Variants in VDAC1 observed in about 807,000 individuals in gnomAD.
VDAC1 encodes voltage dependent anion channel 1.
In VDAC1, 10 loss-of-function variants were observed where a neutral mutation model predicts 34.7. The observed-to-expected ratio is 0.29, with a 90% CI of 0.18 to 0.49. The LOEUF is 0.49. Ranked by LOEUF, VDAC1 falls within the 20% of genes least tolerant of loss-of-function variation. The pLI is 0.99. For missense variants in VDAC1, 230 were observed against 347.9 expected, an observed-to-expected ratio of 0.66 and a Z score of 2.69; for synonymous variants, 130 against 136.0, an observed-to-expected ratio of 0.96 and a Z score of 0.30.
At chr5:134,093,977 G>A in the VDAC1 span, among the ~76,000 whole-genome samples, 2 of 152,214 alleles carry the variant, frequency 1.3e-5, no homozygotes, top group Non-Finnish European at 2.9e-5. Flanking sequence ...CCTCATCTGA[G>A]AGTAATTGTT....
chr5:134,048,460 T>G, the VDAC1 span, among the ~76,000 whole-genome samples: 4 of 151,268 alleles, frequency 2.6e-5, no homozygotes, highest in Admixed American at 2.6e-4. Flanking sequence ...AGAGATAGGG[T>G]TTCGCCATGT....
the VDAC1 span, among the ~76,000 whole-genome samples, chr5:134,010,738 C>T: frequency 2.0e-5 from 3 of 152,086 alleles, no homozygotes; most frequent in African/African-American, 4.8e-5. Context: ...ACAACAATGG[C>T]CCCCCAAGGA....
the VDAC1 span, among the ~76,000 whole-genome samples, chr5:134,028,189 G>A: frequency 6.6e-6 from 1 of 152,024 alleles, no homozygotes; most frequent in Middle Eastern, 3.4e-3. Context: ...CTGGAGTGCA[G>A]TGGTGCCATC....
the VDAC1 span, among the ~76,000 whole-genome samples, chr5:134,104,673 G>A: frequency 6.6e-6 from 1 of 152,202 alleles, no homozygotes; most frequent in South Asian, 2.1e-4. Flanking sequence ...GGGAGAAAAG[G>A]AGAGAAATTC....
At chr5:134,066,124 T>C in the VDAC1 span, among the ~76,000 whole-genome samples, 1 of 151,878 alleles carries the variant, frequency 6.6e-6, no homozygotes, top group African/African-American at 2.4e-5. Flanking sequence ...CTTATTTTTT[T>C]GAGACGGAGT....
At chr5:134,095,849 G>A in the VDAC1 span, among the ~76,000 whole-genome samples, 2 of 152,250 alleles carry the variant, frequency 1.3e-5, no homozygotes, top group South Asian at 2.1e-4. Context: ...CATGTGGCTA[G>A]TGGCTACTGT....
At chr5:133,981,103 T>C in intron 5 of VDAC1, 147 bp from the exon 6 acceptor site, 1 of 648,394 alleles carries the variant, frequency 1.5e-6, no homozygotes, top group South Asian at 2.0e-5. Flanking sequence ...GCCACTGCTG[T>C]ACCACAATGA....
chr5:134,047,440 C>T, the VDAC1 span, among the ~76,000 whole-genome samples: 344 of 152,164 alleles, frequency 2.3e-3, 1 homozygote, highest in African/African-American at 7.7e-3. Context: ...GAGCCCAAGC[C>T]GTGAGTGGGG....
the VDAC1 span, among the ~76,000 whole-genome samples, chr5:134,023,170 T>C: frequency 4.1e-3 from 623 of 152,234 alleles, 3 homozygotes; most frequent in African/African-American, 0.014. Context: ...TTCATGTCCT[T>C]TGCAGGGACA....
At chr5:133,991,298 T>C in intron 3 of VDAC1, 144 bp from the exon 4 acceptor site, 1 of 1,027,570 alleles carries the variant, frequency 9.7e-7, no homozygotes, top group Non-Finnish European at 1.4e-6. Context: ...TTCAAATAGA[T>C]ATTTAAAGTA....
the VDAC1 span, among the ~76,000 whole-genome samples, chr5:134,099,435 C>T: frequency 1.3e-5 from 2 of 152,218 alleles, no homozygotes; most frequent in South Asian, 2.1e-4. Flanking sequence ...CCACTTCCTC[C>T]TCTGGCTCAT....
the VDAC1 span, among the ~76,000 whole-genome samples, chr5:134,015,224 G>A: frequency 6.7e-6 from 1 of 149,656 alleles, no homozygotes; most frequent in Non-Finnish European, 1.5e-5. Context: ...GGGAGGGAGG[G>A]AGAGAGGGGG....
At chr5:134,099,368 G>A in the VDAC1 span, among the ~76,000 whole-genome samples, 4 of 152,238 alleles carry the variant, frequency 2.6e-5, no homozygotes, top group Non-Finnish European at 2.9e-5. Flanking sequence ...TAAAGGTGCC[G>A]TTTGGGGATG....
At chr5:133,975,806 GA>G in intron 7 of VDAC1, 64 bp downstream of exon 7, 1 of 1,593,502 alleles carries the variant, frequency 6.3e-7, no homozygotes, top group Non-Finnish European at 8.6e-7. Context: ...CAGCAAACCT[GA>G]AGGATTCCAA....
upstream of VDAC1, among the ~76,000 whole-genome samples, chr5:134,009,612 A>G (rs1753801895): frequency 6.6e-6 from 1 of 152,102 alleles, no homozygotes; most frequent in Non-Finnish European, 1.5e-5. Flanking sequence ...GTTTCTATTT[A>G]TGAGACTATG....
the VDAC1 span, among the ~76,000 whole-genome samples, chr5:134,031,000 C>G: frequency 6.6e-6 from 1 of 152,026 alleles, no homozygotes; most frequent in South Asian, 2.1e-4. Flanking sequence ...CCCAAGGGAC[C>G]CAACAACAGT....
chr5:133,994,082 C>A (rs2126985870), intron 1 of VDAC1, among the ~76,000 whole-genome samples: 1 of 152,208 alleles, frequency 6.6e-6, no homozygotes, highest in South Asian at 2.1e-4. Context: ...GCATATATAC[C>A]ATCTGAAGTT....
In VDAC1 at chr5:133,992,395, C is replaced by T. The variant is rs1234586596; in HGVS notation, c.68-40G>A. On this transcript the variant is annotated intron_variant, in intron 2 of 8. Transcript: ENST00000265333. ...AGACAACTGTCAATAGGTTAAATAA[C>T]TAGAGAACAGCACCTCTGCCTCCCT... The T allele has an allele frequency of 2.0e-6, 3 of 1,495,896 alleles. No individual in the cohort carries two copies. The East Asian group carries it at 7.2e-5, about 36-fold the overall frequency. 92.7% of individuals were successfully genotyped at this position (1,495,896 alleles called of 1,614,324 possible). A position where few individuals can be genotyped will look rare whatever the true frequency, so the allele number is the denominator to read the frequency against.
At chr5:134,092,127 T>G in the VDAC1 span, among the ~76,000 whole-genome samples, 1 of 152,202 alleles carries the variant, frequency 6.6e-6, no homozygotes, top group East Asian at 1.9e-4. Context: ...ACTCACATAG[T>G]TACTAAGTGG....
Sources: allele counts gnomAD v4.1 joint callset (sites outside exome capture counted in the v4.1 genomes callset), GRCh38; gene constraint gnomAD v4.1.1; transcripts MANE v1.5; gene names NCBI Gene and HGNC (gene_info 2026-07-23, HGNC 2026-07-21).